The following SNTB1 variants were observed in gnomAD, a reference collection of about 807,000 sequenced individuals.
The protein encoded by SNTB1 is beta-1-syntrophin.
In SNTB1, 36 loss-of-function variants were observed where a neutral mutation model predicts 48.9. The ratio of observed to expected loss-of-function variants is 0.74; its 90% CI spans 0.56 to 0.97. The LOEUF (loss-of-function observed/expected upper bound fraction) is 0.97. Among genes scored for constraint, SNTB1 ranks in the 50% least tolerant of loss-of-function variants. The pLI is 0.00. For synonymous variants in SNTB1, 299 were observed against 294.6 expected (o/e 1.01, Z -0.15); for missense variants, 786 against 703.4 (o/e 1.12, Z -1.33).
chr8:120,615,269 T>C (rs1440642407), intron 3 of SNTB1, among the ~76,000 whole-genome samples: 2 of 152,154 alleles, frequency 1.3e-5, no homozygotes, highest in Non-Finnish European at 2.9e-5. Context: ...GGGGTTAATA[T>C]GTACACCATG....
intron 1 of SNTB1, among the ~76,000 whole-genome samples, chr8:120,785,837 A>G (rs1356212694): frequency 6.6e-6 from 1 of 152,190 alleles, no homozygotes; most frequent in African/African-American, 2.4e-5. Flanking sequence ...GCCCATTACA[A>G]CATCTGCAGG....
At chr8:120,598,188 C>T (rs1188295000) in intron 3 of SNTB1, among the ~76,000 whole-genome samples, 1 of 152,136 alleles carries the variant, frequency 6.6e-6, no homozygotes, top group Non-Finnish European at 1.5e-5. Flanking sequence ...TTTCAAAGTT[C>T]CCTCAATCTG....
chr8:120,659,145 G>A (rs1391874746), intron 2 of SNTB1, among the ~76,000 whole-genome samples: 1 of 152,028 alleles, frequency 6.6e-6, no homozygotes, highest in Non-Finnish European at 1.5e-5. Flanking sequence ...TGTATTTTTA[G>A]TAGAGACAGG....
intron 1 of SNTB1, among the ~76,000 whole-genome samples, chr8:120,806,977 T>C (rs1820345574): frequency 6.6e-6 from 1 of 152,158 alleles, no homozygotes. Context: ...TTCCAGACCA[T>C]CTCAGGCAAA....
chr8:120,587,078 G>A (rs1011192941), intron 3 of SNTB1, among the ~76,000 whole-genome samples: 6 of 152,052 alleles, frequency 3.9e-5, no homozygotes, highest in Non-Finnish European at 5.9e-5. Context: ...AAAATTAGCC[G>A]GGCGTGGTAG....
chr8:120,708,580 T>C (rs58358774), intron 1 of SNTB1, among the ~76,000 whole-genome samples: 8,986 of 152,024 alleles, frequency 0.059, 757 homozygotes, highest in East Asian at 0.41. Flanking sequence ...GTAAACCAAG[T>C]CCAACAATAT....
intron 5 of SNTB1, among the ~76,000 whole-genome samples, chr8:120,543,989 G>A (rs967274259): frequency 2.7e-4 from 40 of 146,750 alleles, no homozygotes; most frequent in African/African-American, 8.6e-4. Flanking sequence ...AGGGGTCTAC[G>A]CTATGTTACC....
At chr8:120,739,702 A>G (rs1009477020) in intron 1 of SNTB1, among the ~76,000 whole-genome samples, 5 of 152,224 alleles carry the variant, frequency 3.3e-5, no homozygotes, top group African/African-American at 1.2e-4. Context: ...AAGAGCTGTC[A>G]TAACAAAAAG....
intron 1 of SNTB1, among the ~76,000 whole-genome samples, chr8:120,745,705 C>T (rs1185954255): frequency 6.6e-6 from 1 of 152,112 alleles, no homozygotes; most frequent in African/African-American, 2.4e-5. Context: ...GATGCAATTC[C>T]TCAGCTGAAT....
At position 120,699,800 on chromosome 8, in the gene SNTB1, T is replaced by C. The variant is rs552158072; in HGVS notation, c.572-5892A>G. On this transcript the variant is annotated intron_variant, in intron 1 of 6. Transcript: ENST00000517992. ...AAAAATGGTAGGGAGAGGTGGCTAT[T>C]ACTGGGGAAAATGAAGAGAATAAAT... is the stretch of plus-strand genomic sequence containing the variant. Among the ~76,000 whole-genome samples, 4 of 152,278 alleles carry C rather than the reference T, an allele frequency of 2.6e-5. No individual in the cohort carries two copies. In the South Asian group the frequency reaches 8.3e-4, roughly 32 times the overall value.
intron 2 of SNTB1, among the ~76,000 whole-genome samples, chr8:120,636,393 T>TC (rs1452522729): frequency 2.5e-5 from 2 of 80,620 alleles, no homozygotes; most frequent in Non-Finnish European, 4.6e-5. Flanking sequence ...CCCTCCCCCC[T>TC]CCCCCCACCC....
chr8:120,600,318 G>A (rs370479864), intron 3 of SNTB1, among the ~76,000 whole-genome samples: 1 of 152,246 alleles, frequency 6.6e-6, no homozygotes. Context: ...TACAGACAGA[G>A]AACATGGAGA....
intron 2 of SNTB1, among the ~76,000 whole-genome samples, chr8:120,684,924 G>A (rs1818002455): frequency 6.6e-6 from 1 of 152,156 alleles, no homozygotes; most frequent in African/African-American, 2.4e-5. Context: ...CCAAAGTGCT[G>A]GGATTACAGG....
chr8:120,733,529 A>G (rs1818888190), intron 1 of SNTB1, among the ~76,000 whole-genome samples: 1 of 152,368 alleles, frequency 6.6e-6, no homozygotes, highest in African/African-American at 2.4e-5. Flanking sequence ...GCCTTTTATC[A>G]GGATGTTGTC....
chr8:120,755,456 T>C (rs1819303312), intron 1 of SNTB1, among the ~76,000 whole-genome samples: 1 of 152,130 alleles, frequency 6.6e-6, no homozygotes, highest in East Asian at 1.9e-4. Flanking sequence ...GGCTGGATGC[T>C]TAGCTCTGGA....
chr8:120,684,179 A>C (rs112804583), intron 2 of SNTB1, among the ~76,000 whole-genome samples: 1,861 of 152,252 alleles, frequency 0.012, 14 homozygotes, highest in Non-Finnish European at 0.018. Flanking sequence ...TAAAGGCACT[A>C]ATCCTGTTCA....
chr8:120,774,448 G>T (rs566450953), intron 1 of SNTB1, among the ~76,000 whole-genome samples: 12 of 152,300 alleles, frequency 7.9e-5, no homozygotes, highest in Admixed American at 2.6e-4. Flanking sequence ...TATCAGATTT[G>T]CATTTTAGAC....
intron 3 of SNTB1, among the ~76,000 whole-genome samples, chr8:120,628,776 G>A (rs913074054): frequency 6.6e-6 from 1 of 151,930 alleles, no homozygotes; most frequent in Admixed American, 6.6e-5. Context: ...AAAAGAAAGA[G>A]TTGAGGCTAA....
At position 120,792,596 on chromosome 8, in the gene SNTB1, G is replaced by A. The variant is rs1021997452; in HGVS notation, c.571+18677C>T. ...AGTTGCTTGCTGCTAGCCAAGTACCGTGGCAAGTCCTATATTTTACAGTGT... is the reference window on the plus strand; with the variant it reads ...AGTTGCTTGCTGCTAGCCAAGTACCATGGCAAGTCCTATATTTTACAGTGT... On this transcript the variant is annotated intron_variant, in intron 1 of 6. Coordinates refer to ENST00000517992, the MANE Select transcript of SNTB1 (RefSeq NM_021021.4). Among the ~76,000 whole-genome samples, 8 of 152,050 alleles carry A rather than the reference G, an allele frequency of 5.3e-5. No individual in the cohort carries two copies. The East Asian group carries it at 1.2e-3, about 22-fold the overall frequency.
Sources: gnomAD v4.1 joint callset for allele counts (sites outside exome capture counted in the v4.1 genomes callset) on GRCh38, gnomAD v4.1.1 for gene constraint, MANE v1.5 for transcripts, NCBI Gene and HGNC (gene_info 2026-07-23, HGNC 2026-07-21) for gene names.